Variants in VWC2L observed in about 807,000 individuals in gnomAD.
VWC2L encodes von Willebrand factor C domain containing 2 like, also known as von Willebrand factor C domain-containing protein 2-like.
Under a neutral mutation model 21.6 loss-of-function variants are expected in VWC2L, and 10 were observed. That is an observed-to-expected ratio of 0.46 (90% CI 0.29 to 0.78). VWC2L has a LOEUF of 0.78. VWC2L is among the 30% of genes least tolerant of loss of function. The pLI is 0.10. For missense variants in VWC2L, 209 were observed against 277.1 expected (o/e 0.75, Z 1.74); for synonymous variants, 96 against 94.3 (o/e 1.02, Z -0.10).
chr2:214,515,070 T>G (rs556321014), intron 3 of VWC2L, among the ~76,000 whole-genome samples: 2 of 152,296 alleles, frequency 1.3e-5, no homozygotes, highest in South Asian at 4.1e-4. Flanking sequence ...CCAGTCCATC[T>G]TTTGTTAATA....
chr2:214,418,139 C>G (rs555543962), intron 2 of VWC2L, among the ~76,000 whole-genome samples: 6 of 152,158 alleles, frequency 3.9e-5, no homozygotes, highest in Admixed American at 6.5e-5. Context: ...GGAAACCCCT[C>G]TCTGTCTGTC....
At chr2:214,569,611 C>T (rs1209658624) in intron 3 of VWC2L, among the ~76,000 whole-genome samples, 4 of 152,160 alleles carry the variant, frequency 2.6e-5, no homozygotes, top group Admixed American at 2.0e-4. Flanking sequence ...AGCTCCAGTA[C>T]ATAACTGTCC....
At chr2:214,550,679 G>A (rs1689780116) in intron 3 of VWC2L, among the ~76,000 whole-genome samples, 2 of 152,052 alleles carry the variant, frequency 1.3e-5, no homozygotes, top group Non-Finnish European at 2.9e-5. Context: ...ATTTTTTCCT[G>A]TTTATATATA....
intron 3 of VWC2L, among the ~76,000 whole-genome samples, chr2:214,475,547 C>A (rs1688503695): frequency 6.6e-6 from 1 of 151,940 alleles, no homozygotes; most frequent in Non-Finnish European, 1.5e-5. Context: ...AGCATTTAGT[C>A]CCAATGTTGG....
chr2:214,501,099 T>C (rs1688884261), intron 3 of VWC2L, among the ~76,000 whole-genome samples: 1 of 152,154 alleles, frequency 6.6e-6, no homozygotes, highest in Non-Finnish European at 1.5e-5. Context: ...TCAGGTTTAT[T>C]AGCCAGTAAG....
At chr2:214,458,625 T>C (rs1032117317) in intron 3 of VWC2L, among the ~76,000 whole-genome samples, 2 of 152,136 alleles carry the variant, frequency 1.3e-5, no homozygotes, top group Admixed American at 6.5e-5. Context: ...TTTTGGTATG[T>C]TGTGTTTTCA....
chr2:214,435,884 C>T (rs527990905), intron 2 of VWC2L, among the ~76,000 whole-genome samples: 28 of 152,164 alleles, frequency 1.8e-4, no homozygotes, highest in African/African-American at 5.8e-4. Flanking sequence ...CACTCTCGGC[C>T]GGTAAGTACT....
At chr2:214,472,659 A>G (rs1703327209) in intron 3 of VWC2L, among the ~76,000 whole-genome samples, 2 of 152,206 alleles carry the variant, frequency 1.3e-5, no homozygotes, top group South Asian at 4.1e-4. Flanking sequence ...CACAAGTTCT[A>G]TATCCAATAG....
chr2:214,574,118 G>C (rs990029605), intron 3 of VWC2L, among the ~76,000 whole-genome samples: 2 of 152,170 alleles, frequency 1.3e-5, no homozygotes, highest in African/African-American at 4.8e-5. Flanking sequence ...CTCCAGTCTA[G>C]GTGACAGAGT....
intron 3 of VWC2L, among the ~76,000 whole-genome samples, chr2:214,531,455 A>G (rs1689433820): frequency 6.6e-6 from 1 of 152,300 alleles, no homozygotes; most frequent in Middle Eastern, 3.4e-3. Context: ...TCAGTAGAGA[A>G]ACGTGAAAAC....
chr2:214,517,092 T>C (rs957417177), intron 3 of VWC2L, among the ~76,000 whole-genome samples: 18 of 152,230 alleles, frequency 1.2e-4, no homozygotes, highest in Non-Finnish European at 1.3e-4. Flanking sequence ...TCTAATGACA[T>C]TGTCAAGATT....
At chr2:214,483,843 T>A (rs1688639920) in intron 3 of VWC2L, among the ~76,000 whole-genome samples, 1 of 152,118 alleles carries the variant, frequency 6.6e-6, no homozygotes, top group Non-Finnish European at 1.5e-5. Context: ...GGGATTGGAT[T>A]GGTTTTCTAG....
chr2:214,505,044 C>T (rs1375428165), intron 3 of VWC2L, among the ~76,000 whole-genome samples: 1 of 152,202 alleles, frequency 6.6e-6, no homozygotes, highest in Admixed American at 6.5e-5. Flanking sequence ...TTCCTGTCCA[C>T]CTCCATCCCC....
At position 214,563,363 on chromosome 2, in the gene VWC2L, C is replaced by T. The variant is rs537199132; in HGVS notation, c.521-12309C>T. 1.8e-4 allele frequency among the ~76,000 whole-genome samples: 28 copies of T among 151,524 alleles called. No individual in the cohort carries two copies. In the South Asian group the frequency reaches 2.3e-3, roughly 12 times the overall value. ...GAGATCAAGACCATCCTGGCTAACACGGTGAAACCCCATCTCTACTAAAAA... is the reference window on the plus strand; with the variant it reads ...GAGATCAAGACCATCCTGGCTAACATGGTGAAACCCCATCTCTACTAAAAA... On this transcript the variant is annotated intron_variant, in intron 3 of 3. Transcript: ENST00000312504.
intron 3 of VWC2L, among the ~76,000 whole-genome samples, chr2:214,558,808 G>GT (rs1350291248): frequency 1.9e-4 from 27 of 139,350 alleles, no homozygotes; most frequent in African/African-American, 6.5e-4. Context: ...ACCAACTATA[G>GT]TTTTGTTTTT....
At position 214,564,375 on chromosome 2, in the gene VWC2L, A is replaced by G. The variant is rs185387959; in HGVS notation, c.521-11297A>G. Among the ~76,000 whole-genome samples the G allele has an allele frequency of 2.0e-5, 3 of 152,216 alleles. No homozygotes were observed. The South Asian group carries it at 6.2e-4, about 32-fold the overall frequency. On this transcript the variant is annotated intron_variant, in intron 3 of 3. Coordinates refer to ENST00000312504, the MANE Select transcript of VWC2L (RefSeq NM_001080500.4). ...CATATAGGGAAGACAATCCTAAACA[A>G]AAAGAACAAAGCTGGAGGCATCACA...
rs141878709 is a variant in VWC2L at position 214,488,810 on chromosome 2, G to A, written c.520+52052G>A. ...AGAGGAGCCAGAGTACAGAGATCAC[G>A]TGGCAAGAGTGGAAGCAAGAGAGAG... On this transcript the variant is annotated intron_variant, in intron 3 of 3. Transcript: ENST00000312504. 8.3e-3 allele frequency among the ~76,000 whole-genome samples: 1,267 copies of A among 152,262 alleles called. 11 individuals are homozygous for A. Among genetic ancestry groups the A allele is most frequent in the Middle Eastern group, 0.027 (8 of 294 alleles).
chr2:214,541,081 C>T (rs1208345985), intron 3 of VWC2L, among the ~76,000 whole-genome samples: 1 of 152,136 alleles, frequency 6.6e-6, no homozygotes, highest in African/African-American at 2.4e-5. Flanking sequence ...AATATGCAGG[C>T]TGTTTTGCTT....
At chr2:214,459,417 ATT>A (rs1559296985) in intron 3 of VWC2L, among the ~76,000 whole-genome samples, 1 of 152,142 alleles carries the variant, frequency 6.6e-6, no homozygotes, top group African/African-American at 2.4e-5. Flanking sequence ...GTTATTATTT[ATT>A]TTGTTAATTA....
Sources: allele counts gnomAD v4.1 joint callset (sites outside exome capture counted in the v4.1 genomes callset), GRCh38; gene constraint gnomAD v4.1.1; transcripts MANE v1.5; gene names NCBI Gene and HGNC (gene_info 2026-07-23, HGNC 2026-07-21).